Variants in C1orf87 observed in about 807,000 individuals in gnomAD.
C1orf87 encodes chromosome 1 open reading frame 87.
A neutral mutation model predicts 60.5 loss-of-function variants in C1orf87; 58 were observed. The observed-to-expected ratio is 0.96, with a 90% CI of 0.78 to 1.19. The LOEUF is 1.19. C1orf87 is among the 50% of genes most tolerant of loss of function. The pLI is 0.00. For missense variants in C1orf87, 673 were observed against 638.6 expected (o/e 1.05, Z -0.58); for synonymous variants, 236 against 227.4 (o/e 1.04, Z -0.34).
At position 60,033,488 on chromosome 1, in the gene C1orf87, G is replaced by A; in HGVS notation, c.1017C>T (p.Leu339=). The A allele has an allele frequency of 1.2e-6, 2 of 1,613,686 alleles. No homozygotes were observed. The highest frequency in any genetic ancestry group is 1.7e-6 in the Non-Finnish European group (2 of 1,179,782). The change falls in exon 7 of 12, where the codon CTC becomes CTT. Residue 339 remains leucine, a synonymous_variant. Coordinates refer to ENST00000371201, the MANE Select transcript of C1orf87 (RefSeq NM_152377.3). ...RKEDRSFSGC[L]PLPKVRAICG... ...GAATTTTGGTTACCTTAGGTAGAGG[G>A]AGGCAGCCAGAGAACGAGCGATCTT...
chr1:60,030,384 G>T (rs1490242062), intron 7 of C1orf87, among the ~76,000 whole-genome samples: 1 of 152,180 alleles, frequency 6.6e-6, no homozygotes, highest in African/African-American at 2.4e-5. Flanking sequence ...ACAGAAGGAG[G>T]TCTTACAGTC....
intron 2 of C1orf87, among the ~76,000 whole-genome samples, chr1:60,071,945 C>T (rs375337866): frequency 6.6e-5 from 10 of 152,218 alleles, no homozygotes; most frequent in African/African-American, 2.4e-4. Flanking sequence ...GCCACTGAAA[C>T]TCTGTAAGAA....
chr1:60,072,780 A>G (rs895220012), intron 1 of C1orf87, 110 bp from the exon 2 acceptor site: 1 of 590,616 alleles, frequency 1.7e-6, no homozygotes. Context: ...TGTTTCACCT[A>G]TATTACCTCA....
chr1:60,007,998 A>C (rs1645058120), intron 9 of C1orf87, among the ~76,000 whole-genome samples: 1 of 151,986 alleles, frequency 6.6e-6, no homozygotes, highest in African/African-American at 2.4e-5. Context: ...TTACCTGTGG[A>C]GCTAAAGAAT....
chr1:60,043,406 C>T (rs968710298), intron 3 of C1orf87, among the ~76,000 whole-genome samples: 11 of 151,626 alleles, frequency 7.3e-5, no homozygotes, highest in Admixed American at 3.3e-4. Flanking sequence ...TTTTTGAGAC[C>T]GAGTCTCACT....
chr1:60,055,119 A>G (rs1645443577), intron 3 of C1orf87, 85 bp downstream of exon 3: 1 of 1,148,738 alleles, frequency 8.7e-7, no homozygotes, highest in Admixed American at 1.9e-5. Context: ...ACATTTGTAC[A>G]GTGTGTTTTT....
chr1:60,071,559 T>A (rs1645584104), intron 2 of C1orf87, among the ~76,000 whole-genome samples: 3 of 152,212 alleles, frequency 2.0e-5, no homozygotes, highest in South Asian at 4.1e-4. Flanking sequence ...CCTCTAGACC[T>A]TACAATACTG....
intron 8 of C1orf87, among the ~76,000 whole-genome samples, chr1:60,024,225 T>A (rs1197908134): frequency 2.6e-5 from 4 of 152,332 alleles, no homozygotes; most frequent in African/African-American, 9.6e-5. Context: ...GATTTTCTGT[T>A]CCTTTGAAAT....
At chr1:60,040,609 C>T (rs1243547151) in intron 4 of C1orf87, among the ~76,000 whole-genome samples, 1 of 152,068 alleles carries the variant, frequency 6.6e-6, no homozygotes, top group African/African-American at 2.4e-5. Flanking sequence ...GCTCAGCAAT[C>T]CTAGAAAAGG....
At chr1:59,997,839 G>A (rs1419572246) in intron 10 of C1orf87, 23 bp from the exon 11 acceptor site, 12 of 1,606,952 alleles carry the variant, frequency 7.5e-6, no homozygotes, top group Non-Finnish European at 9.3e-6. Flanking sequence ...CAAAAGCATT[G>A]GCAACACATT....
intron 3 of C1orf87, among the ~76,000 whole-genome samples, chr1:60,043,802 G>C (rs965400444): frequency 6.6e-6 from 1 of 151,250 alleles, no homozygotes; most frequent in Non-Finnish European, 1.5e-5. Flanking sequence ...TTTTGCCTCT[G>C]AGAATTTATG....
At chr1:60,000,595 G>A (rs1644994984) in intron 10 of C1orf87, among the ~76,000 whole-genome samples, 1 of 152,030 alleles carries the variant, frequency 6.6e-6, no homozygotes, top group African/African-American at 2.4e-5. Context: ...ATTAAAATGG[G>A]TTTTAACTGC....
chr1:59,990,893 A>C lies in C1orf87; in HGVS notation c.1481-60T>G, dbSNP rs7537647. 7,093 of 1,530,076 alleles carry C rather than the reference A, an allele frequency of 4.6e-3. 275 individuals carry two copies. In the African/African-American group the frequency reaches 0.086, roughly 19 times the overall value. The allele number at this position is 1,530,076 out of a possible 1,614,324, so 94.8% of individuals were successfully genotyped here. A position where few individuals can be genotyped will look rare whatever the true frequency, so the allele number is the denominator to read the frequency against. Reference sequence around the variant, plus strand: ...AAGAGGATGGAGGGAAAACAGAGAAAACTATATATTAGCTTGAATGACTTC... The same window carrying C: ...AAGAGGATGGAGGGAAAACAGAGAACACTATATATTAGCTTGAATGACTTC... On this transcript the variant is annotated intron_variant, in intron 11 of 11. Transcript: ENST00000371201.
intron 7 of C1orf87, among the ~76,000 whole-genome samples, chr1:60,029,882 G>C (rs61138322): frequency 6.6e-6 from 1 of 151,466 alleles, no homozygotes; most frequent in African/African-American, 2.4e-5. Context: ...CTTGTGATCC[G>C]CCCACCTTAG....
At chr1:60,054,351 G>A (rs1185064611) in intron 3 of C1orf87, among the ~76,000 whole-genome samples, 1 of 152,190 alleles carries the variant, frequency 6.6e-6, no homozygotes, top group African/African-American at 2.4e-5. Context: ...TGGTTCTTAT[G>A]AGCAGAAGAT....
At chr1:60,025,215 C>G (rs1574307205) in intron 8 of C1orf87, among the ~76,000 whole-genome samples, 186 bp downstream of exon 8, 1 of 152,186 alleles carries the variant, frequency 6.6e-6, no homozygotes, top group South Asian at 2.1e-4. Flanking sequence ...ACTCTTATGT[C>G]TGTTCCTCTC....
intron 9 of C1orf87, among the ~76,000 whole-genome samples, chr1:60,007,099 A>G (rs1224018978): frequency 1.3e-5 from 2 of 151,922 alleles, no homozygotes; most frequent in Middle Eastern, 3.2e-3. Flanking sequence ...ATTTGTAGAG[A>G]CAGGGTTTCA....
At chr1:60,002,918 C>T (rs1645017666) in intron 9 of C1orf87, among the ~76,000 whole-genome samples, 1 of 151,100 alleles carries the variant, frequency 6.6e-6, no homozygotes, top group Non-Finnish European at 1.5e-5. Context: ...TGTGGCGATT[C>T]CTCAGGGATC....
intron 11 of C1orf87, among the ~76,000 whole-genome samples, chr1:59,994,968 A>G (rs768106337): frequency 2.0e-5 from 3 of 152,160 alleles, no homozygotes; most frequent in Non-Finnish European, 4.4e-5. Context: ...ACAGTTGTAG[A>G]TTTTCCCAGA....
Sources: gnomAD v4.1 joint callset for allele counts (sites outside exome capture counted in the v4.1 genomes callset) on GRCh38, gnomAD v4.1.1 for gene constraint, MANE v1.5 for transcripts, NCBI Gene and HGNC (gene_info 2026-07-23, HGNC 2026-07-21) for gene names.